Variants in CNOT4 observed in about 807,000 individuals in gnomAD.
CNOT4 encodes the protein CCR4-NOT transcription complex subunit 4, also known as CCR4-associated factor 4.
Under a neutral mutation model 73.8 loss-of-function variants are expected in CNOT4, and 8 were observed. The observed-to-expected ratio is 0.11, with a 90% CI of 0.06 to 0.20. CNOT4 has a LOEUF of 0.20. Ranked by LOEUF, CNOT4 falls within the 10% of genes least tolerant of loss-of-function variation. The probability of loss-of-function intolerance (pLI) is 1.00; values close to 1 mark genes in which losing one functional copy is unlikely to be tolerated. For missense variants in CNOT4, 564 were observed against 883.4 expected (o/e 0.64, Z 4.58); for synonymous variants, 293 against 321.1 (o/e 0.91, Z 0.94).
intron 10 of CNOT4, among the ~76,000 whole-genome samples, chr7:135,379,002 GGAA>G (rs1012240065): frequency 6.6e-5 from 9 of 137,288 alleles, no homozygotes; most frequent in South Asian, 2.4e-4. Flanking sequence ...AAAAAAAAAA[GGAA>G]GAAGAAGAAG....
rs751807753 is a variant in CNOT4, at chr7:135,362,771, G to T, written c.*114C>A. ...GGTTAGGGAGAAAAAAAATTGATCAGGTACTGGATTCTTCAGAACATAAGA... is the reference window on the plus strand; with the variant it reads ...GGTTAGGGAGAAAAAAAATTGATCATGTACTGGATTCTTCAGAACATAAGA... On this transcript the variant is annotated 3_prime_UTR_variant, in exon 12 of 12. Transcript: ENST00000541284. 1.0e-5 allele frequency: 10 copies of T among 980,936 alleles called. No individual in the cohort carries two copies. The highest frequency in any genetic ancestry group is 1.6e-5 in the African/African-American group (1 of 62,928). The allele number at this position is 980,936 out of a possible 1,614,324, so 60.8% of individuals were successfully genotyped here.
chr7:135,500,104 G>A (rs1803864483), intron 1 of CNOT4, among the ~76,000 whole-genome samples: 1 of 152,048 alleles, frequency 6.6e-6, no homozygotes. Flanking sequence ...AAAGGTTCAT[G>A]GCATTATGAT....
At chr7:135,431,390 T>TA (rs1798831711) in intron 2 of CNOT4, among the ~76,000 whole-genome samples, 1 of 152,208 alleles carries the variant, frequency 6.6e-6, no homozygotes, top group African/African-American at 2.4e-5. Context: ...CTTCTTGATA[T>TA]AGATGGTCAA....
chr7:135,443,188 CA>C (rs61062618), intron 1 of CNOT4, among the ~76,000 whole-genome samples: 64,925 of 133,908 alleles, frequency 0.48, 14,958 homozygotes, highest in East Asian at 0.55. Flanking sequence ...CTATCTCTAC[CA>C]AAAAAAAAAA....
intron 10 of CNOT4, among the ~76,000 whole-genome samples, chr7:135,384,923 T>A (rs1796046554): frequency 6.6e-6 from 1 of 152,250 alleles, no homozygotes; most frequent in Non-Finnish European, 1.5e-5. Flanking sequence ...GCTTCCATTC[T>A]GTACTTTTCT....
At chr7:135,448,541 AAGGGAGGG>A in intron 1 of CNOT4, among the ~76,000 whole-genome samples, 1 of 140,540 alleles carries the variant, frequency 7.1e-6, no homozygotes, top group South Asian at 2.6e-4. Context: ...AAGAAAAAAA[AAGGGAGGG>A]AGGGAGGGAG....
At position 135,364,660 on chromosome 7, in the gene CNOT4, G is replaced by A. The variant is rs184315767; in HGVS notation, c.1628-594C>T. ...GTATTTCCATTTAGTCACTAAGGCC[G>A]AGGAGGCAGGAGCTGATACCTTCTA... On this transcript the variant is annotated intron_variant, in intron 10 of 11. Transcript: ENST00000541284. This position sits in a 1 kb window ranked among gnomAD's most constrained non-coding sequence, Gnocchi z 4.3. 5.9e-5 allele frequency among the ~76,000 whole-genome samples: 9 copies of A among 152,298 alleles called. No individual in the cohort carries two copies. The highest frequency in any genetic ancestry group is 3.9e-4 in the East Asian group (2 of 5,192).
chr7:135,391,146 A>G (rs1225172611), intron 10 of CNOT4, among the ~76,000 whole-genome samples: 1 of 152,150 alleles, frequency 6.6e-6, no homozygotes, highest in Non-Finnish European at 1.5e-5. Flanking sequence ...ATGTATATAT[A>G]GTTTTCCAGA....
intron 1 of CNOT4, 160 bp downstream of exon 1, chr7:135,509,729 A>AGAG (rs906461665): frequency 1.5e-5 from 4 of 264,416 alleles, no homozygotes; most frequent in African/African-American, 6.9e-5. Flanking sequence ...AGAGGGAGGA[A>AGAG]GAGGAGGAGG....
In CNOT4 at chr7:135,363,364, A is replaced by G. The variant is rs560051319; in HGVS notation, c.1841-178T>C. Among the ~76,000 whole-genome samples the G allele has an allele frequency of 2.0e-5, 3 of 152,324 alleles. No homozygotes were observed. The South Asian group carries it at 6.2e-4, about 32-fold the overall frequency. On this transcript the variant is annotated intron_variant, in intron 11 of 11. Coordinates refer to ENST00000541284, the MANE Select transcript of CNOT4 (RefSeq NM_001190850.2). This position sits in a 1 kb window ranked among gnomAD's most constrained non-coding sequence, Gnocchi z 4.3. ...CCCCAACAACAAAGAACTTATTGGC[A>G]CACAAACCCATGCCTCCTCTTGAAC...
chr7:135,472,407 G>A (rs1306319413), intron 1 of CNOT4, among the ~76,000 whole-genome samples: 29 of 139,416 alleles, frequency 2.1e-4, no homozygotes, highest in African/African-American at 4.9e-4. Flanking sequence ...AACCTGGGAC[G>A]CGGAGCTTGC....
At chr7:135,371,304 G>A (rs1795195169) in intron 10 of CNOT4, among the ~76,000 whole-genome samples, 1 of 152,192 alleles carries the variant, frequency 6.6e-6, no homozygotes, top group Admixed American at 6.5e-5. Flanking sequence ...GGACTCATGG[G>A]CTAACAGAAG....
At chr7:135,389,522 G>A (rs1796296838) in intron 10 of CNOT4, among the ~76,000 whole-genome samples, 1 of 142,122 alleles carries the variant, frequency 7.0e-6, no homozygotes, top group Admixed American at 6.7e-5. Flanking sequence ...AGATGAATGA[G>A]ATCGGTTCTC....
At chr7:135,387,297 G>A (rs1796168532) in intron 10 of CNOT4, 5 of 984,980 alleles carry the variant, frequency 5.1e-6, no homozygotes, top group Middle Eastern at 5.2e-4. Flanking sequence ...TAGACAATTC[G>A]CTGCTTCTAC....
At chr7:135,480,769 C>A (rs1192226573) in intron 1 of CNOT4, among the ~76,000 whole-genome samples, 2 of 151,886 alleles carry the variant, frequency 1.3e-5, no homozygotes, top group Middle Eastern at 3.2e-3. Flanking sequence ...TCATATATAT[C>A]CACTTAATTC....
chr7:135,427,905 AAAG>A (rs1383673013), intron 2 of CNOT4, among the ~76,000 whole-genome samples: 1 of 152,208 alleles, frequency 6.6e-6, no homozygotes, highest in African/African-American at 2.4e-5. Context: ...AGCTAAGGAG[AAAG>A]AACATTCAAA....
rs929458683 is a variant in CNOT4 at position 135,363,568 on chromosome 7, C to T, written c.1840+286G>A. On this transcript the variant is annotated intron_variant, in intron 11 of 11. Transcript: ENST00000541284. This position sits in a 1 kb window ranked among gnomAD's most constrained non-coding sequence, Gnocchi z 4.3. ...TATGTTCCTTATAAGAAGAGTAAGTCAGATCCTTTTGTACTTTGAGGCCTA... is the reference window on the plus strand; with the variant it reads ...TATGTTCCTTATAAGAAGAGTAAGTTAGATCCTTTTGTACTTTGAGGCCTA... Among the ~76,000 whole-genome samples the T allele has an allele frequency of 2.6e-5, 4 of 152,164 alleles. No homozygotes were observed. Among genetic ancestry groups the T allele is most frequent in the African/African-American group, 9.7e-5 (4 of 41,434 alleles).
intron 1 of CNOT4, among the ~76,000 whole-genome samples, chr7:135,508,456 T>A (rs1804512685): frequency 6.6e-6 from 1 of 152,240 alleles, no homozygotes; most frequent in Non-Finnish European, 1.5e-5. Context: ...CCCAGCCCCC[T>A]TCTTTTCTAT....
chr7:135,368,091 T>G (rs1015789661), intron 10 of CNOT4, among the ~76,000 whole-genome samples: 1 of 152,154 alleles, frequency 6.6e-6, no homozygotes, highest in African/African-American at 2.4e-5. Context: ...AGTGTAGAAC[T>G]CAAAGGCACA....
Sources: gnomAD v4.1 joint callset for allele counts (sites outside exome capture counted in the v4.1 genomes callset) on GRCh38, gnomAD v4.1.1 for gene constraint, Gnocchi (gnomAD v3.1) non-coding constraint, MANE v1.5 for transcripts, NCBI Gene and HGNC (gene_info 2026-07-23, HGNC 2026-07-21) for gene names.